SUCLG2: variants seen among roughly 807,000 people sequenced by gnomAD.
The protein encoded by SUCLG2 is succinate--CoA ligase [GDP-forming] subunit beta, mitochondrial.
SUCLG2 carries 42 observed loss-of-function variants against 47.9 expected under a neutral mutation model. The ratio of observed to expected loss-of-function variants is 0.88; its 90% CI spans 0.69 to 1.14. The LOEUF is 1.14. Ranked by LOEUF, SUCLG2 falls within the 50% of genes most tolerant of loss-of-function variation. The pLI is 0.00. For missense variants in SUCLG2, 571 were observed against 525.9 expected, an observed-to-expected ratio of 1.09 and a Z score of -0.84; for synonymous variants, 195 against 197.3, an observed-to-expected ratio of 0.99 and a Z score of 0.10.
chr3:67,361,099 A>G (rs1281846492), intron 10 of SUCLG2, among the ~76,000 whole-genome samples: 5 of 152,148 alleles, frequency 3.3e-5, no homozygotes, highest in African/African-American at 1.2e-4. Flanking sequence ...TGACTATAAT[A>G]GAGACTAGAC....
intron 2 of SUCLG2, among the ~76,000 whole-genome samples, chr3:67,551,941 C>T (rs116347169): frequency 0.015 from 2,332 of 152,222 alleles, 57 homozygotes; most frequent in African/African-American, 0.052. Context: ...ACCTTATCCA[C>T]ACCACCTTAG....
chr3:67,513,755 G>A (rs556061399), intron 6 of SUCLG2, among the ~76,000 whole-genome samples: 1 of 152,224 alleles, frequency 6.6e-6, no homozygotes, highest in South Asian at 2.1e-4. Flanking sequence ...AAGTTTTTCT[G>A]CACTTTTGCC....
intron 4 of SUCLG2, among the ~76,000 whole-genome samples, chr3:67,524,339 T>A (rs181056037): frequency 2.6e-5 from 4 of 152,358 alleles, no homozygotes; most frequent in Admixed American, 1.3e-4. Context: ...CTTAAAAATA[T>A]CATGCTACTG....
chr3:67,515,054 C>T (rs1705904457), intron 6 of SUCLG2, among the ~76,000 whole-genome samples: 1 of 152,144 alleles, frequency 6.6e-6, no homozygotes, highest in African/African-American at 2.4e-5. Context: ...TCACTCACCC[C>T]ACGTCTTACC....
chr3:67,384,161 C>T (rs143037090), intron 10 of SUCLG2, among the ~76,000 whole-genome samples: 124 of 152,248 alleles, frequency 8.1e-4, no homozygotes, highest in Non-Finnish European at 1.3e-3. Context: ...ACTGAGTGGA[C>T]CTCATTGCTA....
intron 6 of SUCLG2, among the ~76,000 whole-genome samples, chr3:67,515,435 G>T (rs961353806): frequency 2.6e-5 from 4 of 152,100 alleles, no homozygotes; most frequent in Non-Finnish European, 4.4e-5. Context: ...ACAAACACTG[G>T]TAATTTTTAT....
intron 1 of SUCLG2, among the ~76,000 whole-genome samples, chr3:67,632,599 T>C (rs1427936840): frequency 3.3e-5 from 5 of 152,174 alleles, no homozygotes; most frequent in Non-Finnish European, 5.9e-5. Flanking sequence ...ACGGACTTGT[T>C]TGAGCCCTGG....
At chr3:67,397,713 T>C (rs892010416) in intron 10 of SUCLG2, among the ~76,000 whole-genome samples, 2 of 152,116 alleles carry the variant, frequency 1.3e-5, no homozygotes, top group South Asian at 2.1e-4. Context: ...CATTGCCAAG[T>C]TAACCCTAAG....
chr3:67,638,926 G>T (rs779557060), intron 1 of SUCLG2, among the ~76,000 whole-genome samples: 3 of 152,082 alleles, frequency 2.0e-5, no homozygotes, highest in Non-Finnish European at 2.9e-5. Context: ...AAGTCTAATG[G>T]GAAGGTTATA....
At chr3:67,425,564 T>C (rs1245777656) in intron 9 of SUCLG2, among the ~76,000 whole-genome samples, 1 of 152,156 alleles carries the variant, frequency 6.6e-6, no homozygotes, top group African/African-American at 2.4e-5. Flanking sequence ...CTCTGTGTGA[T>C]TATTTAGCTG....
intron 10 of SUCLG2, among the ~76,000 whole-genome samples, chr3:67,377,779 A>C (rs183542316): frequency 6.6e-6 from 1 of 152,166 alleles, no homozygotes; most frequent in African/African-American, 2.4e-5. Flanking sequence ...TCAGCCTCCC[A>C]AGTAGCTGAG....
chr3:67,648,852 G>T (rs1205323455), intron 1 of SUCLG2, among the ~76,000 whole-genome samples: 1 of 152,002 alleles, frequency 6.6e-6, no homozygotes, highest in East Asian at 1.9e-4. Context: ...CATTGACTGA[G>T]ACCACAAATG....
chr3:67,454,922 A>C (rs1007034361), intron 9 of SUCLG2, among the ~76,000 whole-genome samples: 1 of 148,294 alleles, frequency 6.7e-6, no homozygotes, highest in African/African-American at 2.5e-5. Context: ...AGATGGCGCC[A>C]CTGCACTCCA....
intron 9 of SUCLG2, among the ~76,000 whole-genome samples, chr3:67,425,690 T>C (rs1248262042): frequency 6.6e-6 from 1 of 152,240 alleles, no homozygotes; most frequent in Non-Finnish European, 1.5e-5. Context: ...CCAGCCTTCC[T>C]GGGTCTCTGC....
At chr3:67,443,289 C>A (rs74280227) in intron 9 of SUCLG2, among the ~76,000 whole-genome samples, 2 of 39,384 alleles carry the variant, frequency 5.1e-5, no homozygotes, top group Non-Finnish European at 5.8e-5. Flanking sequence ...GATCTCGGAC[C>A]GCCGGGAGGA....
chr3:67,452,133 T>C (rs780739489), intron 9 of SUCLG2, among the ~76,000 whole-genome samples: 1 of 152,136 alleles, frequency 6.6e-6, no homozygotes, highest in Non-Finnish European at 1.5e-5. Flanking sequence ...GAAATACAAA[T>C]ACAAATAAAA....
intron 1 of SUCLG2, among the ~76,000 whole-genome samples, chr3:67,627,235 C>G (rs1700849042): frequency 6.6e-6 from 1 of 152,108 alleles, no homozygotes; most frequent in Admixed American, 6.5e-5. Context: ...TAGTTATCCC[C>G]CAACCAATTT....
intron 2 of SUCLG2, among the ~76,000 whole-genome samples, chr3:67,558,097 G>A (rs1448394673): frequency 6.6e-6 from 1 of 152,040 alleles, no homozygotes; most frequent in African/African-American, 2.4e-5. Context: ...ATTCCGGCTT[G>A]TCTCCTATAT....
At chr3:67,623,623 T>C (rs1162272123) in intron 1 of SUCLG2, among the ~76,000 whole-genome samples, 2 of 152,210 alleles carry the variant, frequency 1.3e-5, no homozygotes, top group African/African-American at 4.8e-5. Context: ...CATTATTCAT[T>C]AAAACCCGCC....
Sources: gnomAD v4.1 joint callset for allele counts (sites outside exome capture counted in the v4.1 genomes callset) on GRCh38, gnomAD v4.1.1 for gene constraint, MANE v1.5 for transcripts, NCBI Gene and HGNC (gene_info 2026-07-23, HGNC 2026-07-21) for gene names.